C4orf17: variants seen among roughly 807,000 people sequenced by gnomAD.
The protein encoded by C4orf17 is chromosome 4 open reading frame 17.
Under a neutral mutation model 32.0 loss-of-function variants are expected in C4orf17, and 25 were observed. The observed-to-expected ratio is 0.78, with a 90% confidence interval of 0.57 to 1.09. C4orf17 has a LOEUF of 1.09. Ranked by LOEUF, C4orf17 falls within the 50% of genes least tolerant of loss-of-function variation. The probability of loss-of-function intolerance (pLI) is 0.00; values close to 1 mark genes in which losing one functional copy is unlikely to be tolerated. For missense variants in C4orf17, 420 were observed against 420.0 expected, an observed-to-expected ratio of 1.00 and a Z score of 0.00; for synonymous variants, 149 against 145.8, an observed-to-expected ratio of 1.02 and a Z score of -0.16.
chr4:99,539,932 C>T (rs1483530770), intron 7 of C4orf17, among the ~76,000 whole-genome samples: 1 of 151,720 alleles, frequency 6.6e-6, no homozygotes, highest in Non-Finnish European at 1.5e-5. Context: ...ATTTCAATAA[C>T]AGAAGAAAAA....
intron 4 of C4orf17, among the ~76,000 whole-genome samples, chr4:99,527,875 A>G (rs1723417010): frequency 6.6e-6 from 1 of 152,136 alleles, no homozygotes; most frequent in African/African-American, 2.4e-5. Flanking sequence ...TGTATTTTGA[A>G]GCTCTCTTAT....
intron 5 of C4orf17, among the ~76,000 whole-genome samples, chr4:99,532,980 T>C (rs868094605): frequency 2.0e-5 from 3 of 152,020 alleles, no homozygotes; most frequent in Middle Eastern, 6.8e-3. Flanking sequence ...GACTAAGGAG[T>C]GAGAGCATTG....
chr4:99,525,217 T>C (rs1304299664), intron 4 of C4orf17, among the ~76,000 whole-genome samples: 1 of 152,178 alleles, frequency 6.6e-6, no homozygotes, highest in Non-Finnish European at 1.5e-5. Context: ...CTTATAGTAG[T>C]TGTATGTTTA....
chr4:99,541,224 C>T (rs1427419015), intron 8 of C4orf17: 1 of 152,064 alleles, frequency 6.6e-6, no homozygotes, highest in Non-Finnish European at 1.5e-5. Flanking sequence ...TAACCAAACC[C>T]AAAAAAGACA....
chr4:99,519,495 T>G (rs1404666212), intron 2 of C4orf17: 2 of 152,222 alleles, frequency 1.3e-5, no homozygotes, highest in Admixed American at 1.3e-4. Context: ...TCTGTTTTGT[T>G]CATGATTTAC....
In C4orf17 at chr4:99,511,686, A is replaced by G. The variant is rs536384335; in HGVS notation, c.-94+414A>G. Among the ~76,000 whole-genome samples, 5 of 152,072 alleles carry G rather than the reference A, an allele frequency of 3.3e-5. No homozygotes were observed. In the East Asian group the frequency reaches 5.8e-4, roughly 18 times the overall value. ...TTTCACTCTCCAAATTGTCTGCTGT[A>G]CTCTTTTCCCCTCAATACAAGTAAA... On this transcript the variant is annotated intron_variant, in intron 1 of 8. Transcript: ENST00000326581.
At chr4:99,518,560 G>T (rs1418518326) in intron 2 of C4orf17, among the ~76,000 whole-genome samples, 13 of 122,376 alleles carry the variant, frequency 1.1e-4, no homozygotes, top group Admixed American at 3.3e-4. Context: ...GAGAGAGAGA[G>T]AGAGAGAGAG....
At chr4:99,536,017 G>C (rs1010959262) in intron 5 of C4orf17, 1 of 443,944 alleles carries the variant, frequency 2.3e-6, no homozygotes, top group African/African-American at 2.1e-5. Context: ...CCAGACCCTG[G>C]TTGCCTTGAG....
chr4:99,541,442 A>T (rs1487733131), intron 8 of C4orf17: 1 of 155,912 alleles, frequency 6.4e-6, no homozygotes, highest in Non-Finnish European at 1.4e-5. Flanking sequence ...GATATTTGGA[A>T]TTTTTTGTAT....
intron 8 of C4orf17, chr4:99,540,726 A>G (rs1723639532): frequency 7.0e-6 from 2 of 284,734 alleles, no homozygotes. Flanking sequence ...GGTTATAGCA[A>G]TTCAGTGAAA....
intron 8 of C4orf17, chr4:99,541,566 C>T (rs9990558): frequency 0.33 from 77,665 of 235,424 alleles, 13,762 homozygotes; most frequent in African/African-American, 0.49. Flanking sequence ...ATTAACTTGT[C>T]TTAGCCTGTT....
At position 99,513,095 on chromosome 4, in the gene C4orf17, C is replaced by T. The variant is rs754141882; in HGVS notation, c.14C>T (p.Pro5Leu). MNLN[P>L]PTSALQIEGK... ...CACACCACAAACATGAACCTCAACC[C>T]CCCGACATCTGCTCTTCAGATCGAG... The change falls in exon 2 of 9, where the codon CCC (proline) becomes CTC (leucine). Residue 5 changes from proline (P) to leucine (L), a missense_variant. Pro to Leu is a moderately conservative substitution (Grantham distance 98). Coordinates refer to ENST00000326581, the MANE Select transcript of C4orf17 (RefSeq NM_032149.3). The T allele has an allele frequency of 1.2e-6, 2 of 1,613,644 alleles. No individual in the cohort carries two copies. The highest frequency in any genetic ancestry group is 3.3e-5 in the Admixed American group (2 of 59,942).
chr4:99,529,799 T>C lies in C4orf17; in HGVS notation c.403-16T>C, dbSNP rs1249333691. On this transcript the variant is annotated splice_polypyrimidine_tract_variant and intron_variant, in intron 4 of 8. Coordinates refer to ENST00000326581, the MANE Select transcript of C4orf17 (RefSeq NM_032149.3). ...GGATGCAAATGTATATTGGTTATAT[T>C]ATACTTTTGATTTAGGAAGAAATTA... 1.3e-6 allele frequency: 2 copies of C among 1,597,102 alleles called. No homozygotes were observed. Among genetic ancestry groups the C allele is most frequent in the Non-Finnish European group, 1.7e-6 (2 of 1,172,616 alleles).
intron 5 of C4orf17, among the ~76,000 whole-genome samples, chr4:99,537,136 C>T (rs920144871): frequency 6.6e-6 from 1 of 152,104 alleles, no homozygotes; most frequent in Non-Finnish European, 1.5e-5. Flanking sequence ...GACCTTGGTA[C>T]CTGAGCTTTA....
chr4:99,531,468 C>G (rs375846440), intron 5 of C4orf17, among the ~76,000 whole-genome samples: 107 of 152,246 alleles, frequency 7.0e-4, no homozygotes, highest in African/African-American at 2.3e-3. Flanking sequence ...TTGGGCATAT[C>G]AATAGAACAG....
intron 8 of C4orf17, 85 bp from the exon 9 acceptor site, chr4:99,541,825 T>C: frequency 1.0e-6 from 1 of 961,272 alleles, no homozygotes; most frequent in Non-Finnish European, 1.6e-6. Flanking sequence ...TATAGTTTTT[T>C]ATAGATAATT....
At chr4:99,522,439 C>A in intron 2 of C4orf17, 61 bp from the exon 3 acceptor site, 4 of 1,279,994 alleles carry the variant, frequency 3.1e-6, no homozygotes, top group Middle Eastern at 1.9e-4. Context: ...TCAAAGAAAA[C>A]CTTCCAAACA....
intron 2 of C4orf17, among the ~76,000 whole-genome samples, chr4:99,518,757 G>GTC (rs57346847): frequency 0.07 from 10,560 of 151,052 alleles, 702 homozygotes; most frequent in African/African-American, 0.18. Flanking sequence ...CAGTGGACTT[G>GTC]TCTAAGTTGC....
chr4:99,518,574 GA>G (rs1723233889), intron 2 of C4orf17, among the ~76,000 whole-genome samples: 2 of 125,662 alleles, frequency 1.6e-5, no homozygotes, highest in Non-Finnish European at 1.6e-5. Flanking sequence ...GAGAGAGAGA[GA>G]GAGAGAGAGG....
Sources: allele counts gnomAD v4.1 joint callset (sites outside exome capture counted in the v4.1 genomes callset), GRCh38; gene constraint gnomAD v4.1.1; transcripts MANE v1.5; gene names NCBI Gene and HGNC (gene_info 2026-07-23, HGNC 2026-07-21).